ZNF174: variants seen among roughly 807,000 people sequenced by gnomAD.
ZNF174 encodes zinc finger protein 174.
Under a neutral mutation model 38.7 loss-of-function variants are expected in ZNF174, and 30 were observed. That is an observed-to-expected ratio of 0.78 (90% CI 0.58 to 1.05). ZNF174 has a LOEUF of 1.05. ZNF174 is among the 50% of genes least tolerant of loss of function. The pLI, the probability that ZNF174 is intolerant of heterozygous loss-of-function variation, is 0.00. For synonymous variants in ZNF174, 201 were observed against 181.7 expected, an observed-to-expected ratio of 1.11 and a Z score of -0.86; for missense variants, 499 against 495.6, an observed-to-expected ratio of 1.01 and a Z score of -0.06.
chr16:3,403,861 C>T (rs1454609099), intron 1 of ZNF174, among the ~76,000 whole-genome samples: 3 of 152,198 alleles, frequency 2.0e-5, no homozygotes, highest in East Asian at 1.9e-4. Flanking sequence ...CTCCCCGCCC[C>T]GAAGTCAGAC....
intron 2 of ZNF174, among the ~76,000 whole-genome samples, chr16:3,407,704 C>T (rs2034074565): frequency 6.6e-6 from 1 of 152,166 alleles, no homozygotes; most frequent in Non-Finnish European, 1.5e-5. Flanking sequence ...TAGGCCGTTC[C>T]AGCTCATCTC....
In ZNF174 at chr16:3,401,369, G is replaced by T. The variant is rs564110445; in HGVS notation, c.-636G>T. 42 of 152,520 alleles carry T rather than the reference G, an allele frequency of 2.8e-4. No homozygotes were observed. The South Asian group carries it at 4.9e-3, about 18-fold the overall frequency. The allele number at this position is 152,520 out of a possible 1,614,324, so 9.4% of individuals were successfully genotyped here. On this transcript the variant is annotated 5_prime_UTR_variant, in exon 1 of 3. Coordinates refer to ENST00000268655, the MANE Select transcript of ZNF174 (RefSeq NM_003450.3). Reference sequence around the variant, plus strand: ...CACACCGGGCGTGGAGTTCAGCTGCGCATCGGGTTGCGGCAGCTTCGCCAG... The same window carrying T: ...CACACCGGGCGTGGAGTTCAGCTGCTCATCGGGTTGCGGCAGCTTCGCCAG...
intron 1 of ZNF174, among the ~76,000 whole-genome samples, chr16:3,403,226 G>T (rs2033990619): frequency 8.6e-6 from 1 of 115,974 alleles, no homozygotes; most frequent in Non-Finnish European, 1.6e-5. Flanking sequence ...CTGGAGTGCA[G>T]TGGTGCCATT....
chr16:3,401,592 C>T lies in ZNF174; in HGVS notation c.-413C>T, dbSNP rs895176632. 1.1e-5 allele frequency: 2 copies of T among 184,288 alleles called. No homozygotes were observed. The highest frequency in any genetic ancestry group is 2.4e-5 in the African/African-American group (1 of 41,630). 11.4% of individuals were successfully genotyped at this position (184,288 alleles called of 1,614,324 possible). ...CACCCGGTCGGTTTCCGCCAGGATG[C>T]GGGAGAGTTGGGGCAAGCTACCTGC... On this transcript the variant is annotated 5_prime_UTR_variant, in exon 1 of 3. Coordinates refer to ENST00000268655, the MANE Select transcript of ZNF174 (RefSeq NM_003450.3).
rs37811 is a variant in ZNF174 at position 3,402,193 on chromosome 16, T to G, written c.189T>G (p.Ala63=). The G allele has an allele frequency of 0.88, 1,423,421 of 1,614,024 alleles. 628,354 individuals carry two copies. The highest frequency in any genetic ancestry group is 0.96 in the African/African-American group (71,625 of 74,992). The change falls in exon 1 of 3, where the codon GCT becomes GCG. Residue 63 remains alanine (A), a synonymous_variant. Coordinates refer to ENST00000268655, the MANE Select transcript of ZNF174 (RefSeq NM_003450.3). ...AAGAGGTGTCTGGACCCCAAGAGGC[T>G]CTCTCCCAGCTCCGACAGCTCTGCC... ...CYQEVSGPQE[A]LSQLRQLCRQ...
intron 1 of ZNF174, 42 bp downstream of exon 1, chr16:3,402,448 CT>C (rs769798377): frequency 1.6e-6 from 2 of 1,264,122 alleles, no homozygotes; most frequent in African/African-American, 3.6e-5. Flanking sequence ...ATTTCTTTTT[CT>C]TTTCTTTTTT....
chr16:3,408,241 C>A lies in ZNF174; in HGVS notation c.626-80C>A, dbSNP rs1468284751. ...CAGCGGAGGGCCACCCTTTGAGAAA[C>A]CTCTCAGAGTATTTCATAACTCTTG... On this transcript the variant is annotated intron_variant, in intron 2 of 2. Transcript: ENST00000268655. 2.9e-6 allele frequency: 4 copies of A among 1,403,420 alleles called. No homozygotes were observed. In the African/African-American group the frequency reaches 5.8e-5, roughly 20 times the overall value. The allele number at this position is 1,403,420 out of a possible 1,614,324, so 86.9% of individuals were successfully genotyped here. A position where few individuals can be genotyped will look rare whatever the true frequency, so the allele number is the denominator to read the frequency against.
intron 2 of ZNF174, among the ~76,000 whole-genome samples, chr16:3,405,631 G>A (rs1471958910): frequency 6.6e-6 from 1 of 152,170 alleles, no homozygotes. Flanking sequence ...TATGAATTTG[G>A]AGGAACATAA....
At chr16:3,405,370 T>G (rs2034040625) in intron 2 of ZNF174, among the ~76,000 whole-genome samples, 1 of 152,210 alleles carries the variant, frequency 6.6e-6, no homozygotes, top group South Asian at 2.1e-4. Context: ...AGGAGTTTAT[T>G]TCTCACAGTT....
chr16:3,406,329 G>C (rs986475231), intron 2 of ZNF174, among the ~76,000 whole-genome samples: 3 of 152,150 alleles, frequency 2.0e-5, no homozygotes, highest in African/African-American at 7.2e-5. Flanking sequence ...CCATATGCTA[G>C]GTCATGTGGT....
Position 3,401,955 on chromosome 16 carries a change from C to T in ZNF174, c.-50C>T, listed in dbSNP as rs2033916812. 6.3e-7 allele frequency: 1 copy of T among 1,587,370 alleles called. No homozygotes were observed. The highest frequency in any genetic ancestry group is 1.9e-5 in the Admixed American group (1 of 51,732). ...CAGAGACTTCTCCAGGGTCATGATC[C>T]CAAAGGCTTAACCCGTTTACAAGGA... On this transcript the variant is annotated 5_prime_UTR_variant, in exon 1 of 3. Coordinates refer to ENST00000268655, the MANE Select transcript of ZNF174 (RefSeq NM_003450.3).
At chr16:3,406,757 C>T (rs145142104) in intron 2 of ZNF174, among the ~76,000 whole-genome samples, 4 of 152,226 alleles carry the variant, frequency 2.6e-5, no homozygotes, top group East Asian at 1.9e-4. Context: ...TTGACGCACA[C>T]GTTTTTCATT....
chr16:3,403,426 C>T (rs1424852736), intron 1 of ZNF174, among the ~76,000 whole-genome samples: 2 of 151,430 alleles, frequency 1.3e-5, no homozygotes, highest in Non-Finnish European at 2.9e-5. Context: ...CCGCCTTGGC[C>T]TCTCAAAGTG....
chr16:3,404,322 G>C, intron 1 of ZNF174, 104 bp from the exon 2 acceptor site: 1 of 1,175,748 alleles, frequency 8.5e-7, no homozygotes, highest in Non-Finnish European at 1.2e-6. Context: ...ACCTCTAGAT[G>C]GTTATCAGCA....
chr16:3,408,406 C>G lies in ZNF174; in HGVS notation c.711C>G (p.Gly237=), dbSNP rs1008420792. ...KGAKPCAVSA[G]RSKGNGLQNP... ...CAAAGCCATGTGCAGTGTCAGCTGG[C>G]AGATCCAAAGGGAATGGTCTGCAGA... The change falls in exon 3 of 3, where the codon GGC becomes GGG. Residue 237 remains glycine (G), a synonymous_variant. Coordinates refer to ENST00000268655, the MANE Select transcript of ZNF174 (RefSeq NM_003450.3). 3.1e-6 allele frequency: 5 copies of G among 1,614,168 alleles called. No individual in the cohort carries two copies. The Admixed American group carries it at 5.0e-5, about 16-fold the overall frequency.
intron 1 of ZNF174, among the ~76,000 whole-genome samples, chr16:3,402,685 C>G (rs1453394616): frequency 1.3e-5 from 2 of 151,986 alleles, no homozygotes; most frequent in Admixed American, 1.3e-4. Flanking sequence ...GTCTCGATCT[C>G]CTGACCTCGT....
chr16:3,407,443 CA>C (rs1175069186), intron 2 of ZNF174, among the ~76,000 whole-genome samples: 7 of 152,048 alleles, frequency 4.6e-5, no homozygotes, highest in Non-Finnish European at 1.0e-4. Context: ...ATTGTCTTGT[CA>C]AAAAGCAATT....
At chr16:3,402,601 G>GGCGCCCGCCACC in intron 1 of ZNF174, among the ~76,000 whole-genome samples, 195 bp downstream of exon 1, 1 of 151,988 alleles carries the variant, frequency 6.6e-6, no homozygotes, top group African/African-American at 2.4e-5. Flanking sequence ...TGGGACTACA[G>GGCGCCCGCCACC]GCGCCCGCCA....
chr16:3,405,745 G>A (rs923100528), intron 2 of ZNF174, among the ~76,000 whole-genome samples: 2 of 152,192 alleles, frequency 1.3e-5, no homozygotes, highest in Non-Finnish European at 2.9e-5. Flanking sequence ...AGTGGCTCAC[G>A]CCTGTAATCC....
Sources: gnomAD v4.1 joint callset for allele counts (sites outside exome capture counted in the v4.1 genomes callset) on GRCh38, gnomAD v4.1.1 for gene constraint, MANE v1.5 for transcripts, NCBI Gene and HGNC (gene_info 2026-07-23, HGNC 2026-07-21) for gene names.